Variants in PLCB1 observed in about 807,000 individuals in gnomAD.
PLCB1 encodes the protein 1-phosphatidylinositol 4,5-bisphosphate phosphodiesterase beta-1.
Under a neutral mutation model 161.8 loss-of-function variants are expected in PLCB1, and 46 were observed. The observed-to-expected ratio is 0.28, with a 90% confidence interval of 0.22 to 0.36. The LOEUF is 0.36. PLCB1 is among the 10% of genes least tolerant of loss of function. PLCB1 has a pLI of 1.00. For synonymous variants in PLCB1, 517 were observed against 503.7 expected (o/e 1.03, Z -0.35); for missense variants, 1,016 against 1,472.5 (o/e 0.69, Z 5.07).
chr20:8,745,889 C>A (rs926704926), intron 23 of PLCB1, among the ~76,000 whole-genome samples: 3 of 152,144 alleles, frequency 2.0e-5, no homozygotes, highest in Admixed American at 1.3e-4. Flanking sequence ...ATACTGGTAA[C>A]ATTTTTAATG....
Position 8,132,422 on chromosome 20 carries a change from C to T in PLCB1, c.-230C>T, listed in dbSNP as rs1437937912. 3.3e-6 allele frequency: 1 copy of T among 301,756 alleles called. No individual in the cohort carries two copies. The allele number at this position is 301,756 out of a possible 1,614,324, so 18.7% of individuals were successfully genotyped here. On this transcript the variant is annotated 5_prime_UTR_variant, in exon 1 of 32. Transcript: ENST00000338037. This position sits in a 1 kb window ranked among gnomAD's most constrained non-coding sequence, Gnocchi z 5.2. ...CTCCTCATCCACCGCGGGCTCCAGACCTCGCGTCCCGCCCGGGGCATGGCC... is the reference window on the plus strand; with the variant it reads ...CTCCTCATCCACCGCGGGCTCCAGATCTCGCGTCCCGCCCGGGGCATGGCC...
intron 2 of PLCB1, among the ~76,000 whole-genome samples, chr20:8,284,709 T>A (rs920036888): frequency 6.6e-6 from 1 of 152,208 alleles, no homozygotes; most frequent in Non-Finnish European, 1.5e-5. Context: ...TAACATTTCA[T>A]AACTTCCCCT....
At chr20:8,466,241 A>G (rs1006832687) in intron 3 of PLCB1, among the ~76,000 whole-genome samples, 2 of 150,808 alleles carry the variant, frequency 1.3e-5, no homozygotes, top group African/African-American at 2.4e-5. Context: ...ACCAAACACC[A>G]CATATTCTCG....
intron 3 of PLCB1, among the ~76,000 whole-genome samples, chr20:8,547,763 G>C (rs1292170774): frequency 1.3e-5 from 2 of 152,118 alleles, no homozygotes; most frequent in Non-Finnish European, 2.9e-5. Flanking sequence ...AGATTAACTA[G>C]TATATCAAGT....
At chr20:8,596,919 A>G (rs1193095896) in intron 3 of PLCB1, among the ~76,000 whole-genome samples, 11 of 152,406 alleles carry the variant, frequency 7.2e-5, no homozygotes, top group African/African-American at 1.4e-4. Flanking sequence ...TTGTTGGTGT[A>G]TAAGAATGCT....
chr20:8,669,269 G>T (rs1047240550), intron 9 of PLCB1, among the ~76,000 whole-genome samples: 10 of 152,196 alleles, frequency 6.6e-5, no homozygotes, highest in African/African-American at 2.4e-4. Context: ...TATTGACATT[G>T]TGGGGAGTTT....
At chr20:8,702,557 A>G (rs185147061) in intron 11 of PLCB1, among the ~76,000 whole-genome samples, 8 of 152,360 alleles carry the variant, frequency 5.3e-5, no homozygotes, top group Non-Finnish European at 1.0e-4. Flanking sequence ...CTAAATGCAC[A>G]TATAAAATGG....
rs557267629 is a variant in PLCB1, at chr20:8,383,846, G to A, written c.246+12396G>A. 2.0e-5 allele frequency among the ~76,000 whole-genome samples: 3 copies of A among 152,192 alleles called. No homozygotes were observed. In the East Asian group the frequency reaches 5.8e-4, roughly 29 times the overall value. The stretch of plus-strand genomic sequence containing the variant: ...TTTTCTTTAAGAATGTTGAATATTG[G>A]CCCCCAATCTCTTCTGGCTTATAGG... On this transcript the variant is annotated intron_variant, in intron 3 of 31. Transcript: ENST00000338037.
In PLCB1 at chr20:8,685,044, T is replaced by C. The variant is rs372723242; in HGVS notation, c.975T>C (p.Tyr325=). 8.1e-6 allele frequency: 13 copies of C among 1,613,936 alleles called. No homozygotes were observed. The African/African-American group carries it at 1.5e-4, about 18-fold the overall frequency. The part of the protein sequence containing the change: ...NEDMSQPLSH[Y]FINSSHNTYL... Reference sequence around the variant, plus strand: ...ACATGTCTCAGCCCCTTTCTCACTATTTCATTAATTCCTCGCACAACACCT... The same window carrying C: ...ACATGTCTCAGCCCCTTTCTCACTACTTCATTAATTCCTCGCACAACACCT... The change falls in exon 10 of 32, where the codon TAT becomes TAC. Residue 325 remains tyrosine (Y), a synonymous_variant. Transcript: ENST00000338037.
chr20:8,747,954 A>T (rs1981256716), intron 23 of PLCB1, among the ~76,000 whole-genome samples: 1 of 152,200 alleles, frequency 6.6e-6, no homozygotes, highest in African/African-American at 2.4e-5. Context: ...CCATTTAATT[A>T]TTCAAAACAG....
Position 8,681,086 on chromosome 20 carries a change from GTA to G in PLCB1, c.863-3813_863-3812del, listed in dbSNP as rs202198416. On this transcript the variant is annotated intron_variant, in intron 9 of 31. Transcript: ENST00000338037. ...TATATATGTGTGTATATGTGTGTGT[GTA>G]TATATATATATATATATATATATAT... Among the ~76,000 whole-genome samples the G allele has an allele frequency of 3.6e-3, 264 of 73,762 alleles. 3 individuals carry two copies. The highest frequency in any genetic ancestry group is 7.7e-3 in the Middle Eastern group (1 of 130). The allele number at this position is 73,762 out of a possible 152,430, so 48.4% of individuals were successfully genotyped here.
intron 31 of PLCB1, among the ~76,000 whole-genome samples, chr20:8,834,265 TAAG>T (rs1476488648): frequency 6.6e-6 from 1 of 151,974 alleles, no homozygotes; most frequent in Non-Finnish European, 1.5e-5. Context: ...TACAGAGAAT[TAAG>T]AAAGAAAGAG....
chr20:8,669,227 A>C (rs989846635), intron 9 of PLCB1, among the ~76,000 whole-genome samples: 1 of 152,204 alleles, frequency 6.6e-6, no homozygotes, highest in Admixed American at 6.5e-5. Context: ...ACTATGTGCG[A>C]GGGAAGCTTG....
chr20:8,480,161 G>C (rs925179662), intron 3 of PLCB1, among the ~76,000 whole-genome samples: 5 of 152,132 alleles, frequency 3.3e-5, no homozygotes, highest in African/African-American at 1.2e-4. Context: ...AGGTTAGCAG[G>C]GTCAGGCAGT....
intron 2 of PLCB1, among the ~76,000 whole-genome samples, chr20:8,304,441 G>A (rs1984038435): frequency 6.6e-6 from 1 of 151,694 alleles, no homozygotes; most frequent in Non-Finnish European, 1.5e-5. Flanking sequence ...TCTTAAAATT[G>A]AGCAAAAACG....
chr20:8,629,817 T>TTTTCTTTCTTTC (rs752268619), intron 4 of PLCB1, among the ~76,000 whole-genome samples: 23 of 97,072 alleles, frequency 2.4e-4, no homozygotes, highest in African/African-American at 4.6e-4. Flanking sequence ...CTTTTCTTTC[T>TTTTCTTTCTTTC]TTTCTTTCTT....
chr20:8,849,620 G>A (rs923683650), intron 31 of PLCB1, among the ~76,000 whole-genome samples: 2 of 151,864 alleles, frequency 1.3e-5, no homozygotes, highest in Non-Finnish European at 2.9e-5. Flanking sequence ...AGGTTGCGTT[G>A]AGCCGAGATC....
At chr20:8,649,052 G>C (rs1446866132) in intron 6 of PLCB1, among the ~76,000 whole-genome samples, 3 of 152,148 alleles carry the variant, frequency 2.0e-5, no homozygotes, top group African/African-American at 7.2e-5. Context: ...GCAATGGGTA[G>C]TAGCAGCAAG....
chr20:8,548,064 T>TCCTCCCTTCCTC (rs1410384458), intron 3 of PLCB1, among the ~76,000 whole-genome samples: 3 of 151,780 alleles, frequency 2.0e-5, no homozygotes, highest in African/African-American at 7.3e-5. Context: ...GGACCTCCCT[T>TCCTCCCTTCCTC]CCTACCTTCC....
Sources: gnomAD v4.1 joint callset for allele counts (sites outside exome capture counted in the v4.1 genomes callset) on GRCh38, gnomAD v4.1.1 for gene constraint, Gnocchi (gnomAD v3.1) non-coding constraint, MANE v1.5 for transcripts, NCBI Gene and HGNC (gene_info 2026-07-23, HGNC 2026-07-21) for gene names.